Variants in OSBPL10 observed in about 807,000 individuals in gnomAD.
The protein encoded by OSBPL10 is oxysterol binding protein like 10.
A neutral mutation model predicts 81.7 loss-of-function variants in OSBPL10; 49 were observed. That is an observed-to-expected ratio of 0.60 (90% CI 0.48 to 0.76). The LOEUF (loss-of-function observed/expected upper bound fraction) is 0.76, where lower values mean the gene tolerates loss of function less well. Ranked by LOEUF, OSBPL10 falls within the 30% of genes least tolerant of loss-of-function variation. OSBPL10 has a pLI of 0.00. For missense variants in OSBPL10, 923 were observed against 987.8 expected (o/e 0.93, Z 0.88); for synonymous variants, 419 against 383.6 (o/e 1.09, Z -1.08).
At chr3:32,073,292 A>C (rs1005637190) in intron 1 of OSBPL10, among the ~76,000 whole-genome samples, 8 of 152,104 alleles carry the variant, frequency 5.3e-5, no homozygotes, top group African/African-American at 1.9e-4. Flanking sequence ...TGCCTACTCC[A>C]GATTCCCAGC....
intron 1 of OSBPL10, among the ~76,000 whole-genome samples, chr3:31,907,619 CAAAAAAAAAAAAAAAAAAA>C (rs142840420): frequency 6.3e-5 from 4 of 63,872 alleles, no homozygotes; most frequent in East Asian, 5.2e-4. Context: ...ACCTCCATCT[CAAAAAAAAAAAAAAAAAAA>C]AAAAAAAAAA....
chr3:31,890,118 C>G (rs1274610447), intron 1 of OSBPL10, among the ~76,000 whole-genome samples: 1 of 150,260 alleles, frequency 6.7e-6, no homozygotes, highest in Non-Finnish European at 1.5e-5. Flanking sequence ...TCAGAAGCAC[C>G]CTCAAGTACA....
At chr3:31,846,918 T>G (rs1700648561) in intron 3 of OSBPL10, among the ~76,000 whole-genome samples, 1 of 152,116 alleles carries the variant, frequency 6.6e-6, no homozygotes. Context: ...CAACTATGAG[T>G]GAACCCCAAG....
chr3:31,994,222 G>A lies in OSBPL10; in HGVS notation n.298+52269C>T, dbSNP rs113883072. On this transcript the variant is annotated intron_variant and non_coding_transcript_variant, in intron 2 of 3. Transcript: ENST00000479173. ...GAGTAGTGATTGCCAAGAGTTAAGA[G>A]TGGAGCAAGTGTTTGACTAGAAAGA... is the stretch of plus-strand genomic sequence containing the variant. Among the ~76,000 whole-genome samples the A allele has an allele frequency of 9.2e-3, 1,404 of 152,308 alleles. 25 individuals carry two copies. Among genetic ancestry groups the A allele is most frequent in the African/African-American group, 0.032 (1,323 of 41,566 alleles).
At chr3:31,855,367 C>G (rs956447800) in intron 3 of OSBPL10, among the ~76,000 whole-genome samples, 1 of 152,116 alleles carries the variant, frequency 6.6e-6, no homozygotes, top group African/African-American at 2.4e-5. Context: ...ACTTCCATAC[C>G]CTTCTTGGTC....
At chr3:31,807,934 T>C (rs901456264) in intron 4 of OSBPL10, among the ~76,000 whole-genome samples, 8 of 152,304 alleles carry the variant, frequency 5.3e-5, no homozygotes, top group Non-Finnish European at 1.2e-4. Context: ...TGGACAGATG[T>C]TGGGCCATGA....
intron 7 of OSBPL10, among the ~76,000 whole-genome samples, chr3:31,686,309 C>T (rs1187861751): frequency 1.3e-5 from 2 of 152,186 alleles, no homozygotes; most frequent in African/African-American, 2.4e-5. Flanking sequence ...GATAGGCAGA[C>T]ATGAGAACAG....
intron 4 of OSBPL10, among the ~76,000 whole-genome samples, chr3:31,823,707 G>A (rs561015251): frequency 6.6e-6 from 1 of 152,238 alleles, no homozygotes; most frequent in Admixed American, 6.5e-5. Flanking sequence ...TAAAAATTAT[G>A]ACACATTTTA....
chr3:31,666,580 C>T (rs1473119076), intron 10 of OSBPL10, among the ~76,000 whole-genome samples: 1 of 152,180 alleles, frequency 6.6e-6, no homozygotes, highest in African/African-American at 2.4e-5. Context: ...GCCGTTTCCT[C>T]TGCAGAGAAC....
At chr3:31,887,248 A>G (rs1461179381) in intron 1 of OSBPL10, among the ~76,000 whole-genome samples, 1 of 152,198 alleles carries the variant, frequency 6.6e-6, no homozygotes. Flanking sequence ...CCTTGTTTAT[A>G]AAACTTCCAA....
At chr3:31,949,458 G>C (rs1559528961) in intron 1 of OSBPL10, among the ~76,000 whole-genome samples, 1 of 151,832 alleles carries the variant, frequency 6.6e-6, no homozygotes, top group African/African-American at 2.4e-5. Context: ...CACGAGGTCA[G>C]GAGATCAAGA....
chr3:31,781,585 T>C (rs1050806813), intron 4 of OSBPL10, among the ~76,000 whole-genome samples: 1 of 152,210 alleles, frequency 6.6e-6, no homozygotes, highest in Non-Finnish European at 1.5e-5. Flanking sequence ...CTCCTAGATC[T>C]GATAAATGAA....
intron 1 of OSBPL10, among the ~76,000 whole-genome samples, chr3:31,904,939 G>A (rs11719924): frequency 0.19 from 29,344 of 152,060 alleles, 3,001 homozygotes; most frequent in Non-Finnish European, 0.24. Context: ...TTAAACTGGA[G>A]GCAGCTACAA....
intron 1 of OSBPL10, among the ~76,000 whole-genome samples, chr3:31,882,397 C>T (rs1237863892): frequency 2.0e-5 from 3 of 152,124 alleles, no homozygotes; most frequent in African/African-American, 4.8e-5. Context: ...ATCCCCAAGC[C>T]GGCAGTAACA....
chr3:31,965,954 T>TTATATATTATATAAAATAGATAA (rs1698387908), intron 1 of OSBPL10, among the ~76,000 whole-genome samples: 1 of 98,738 alleles, frequency 1.0e-5, no homozygotes, highest in Non-Finnish European at 1.9e-5. Context: ...ATAATATATA[T>TTATATATTATATAAAATAGATAA]TATATATTAT....
chr3:31,683,318 T>G (rs1015047906), intron 8 of OSBPL10, among the ~76,000 whole-genome samples: 1 of 152,188 alleles, frequency 6.6e-6, no homozygotes, highest in Non-Finnish European at 1.5e-5. Flanking sequence ...CCAACTCTTA[T>G]ATTCATGCAA....
chr3:31,902,315 C>A (rs1285812861), intron 1 of OSBPL10, among the ~76,000 whole-genome samples: 4 of 138,188 alleles, frequency 2.9e-5, no homozygotes, highest in African/African-American at 1.1e-4. Flanking sequence ...CAGGCTGAAG[C>A]GCAGTGGCAC....
chr3:31,916,436 G>T (rs993065660), intron 1 of OSBPL10, among the ~76,000 whole-genome samples: 1 of 152,186 alleles, frequency 6.6e-6, no homozygotes, highest in Non-Finnish European at 1.5e-5. Flanking sequence ...GAGGAGTCAA[G>T]TGTAACAACA....
intron 1 of OSBPL10, among the ~76,000 whole-genome samples, chr3:31,888,129 A>G (rs1392429504): frequency 6.6e-6 from 1 of 152,244 alleles, no homozygotes; most frequent in Non-Finnish European, 1.5e-5. Context: ...AAAGAGACAC[A>G]TAAACCAATG....
Sources: allele counts gnomAD v4.1 joint callset (sites outside exome capture counted in the v4.1 genomes callset), GRCh38; gene constraint gnomAD v4.1.1; transcripts MANE v1.5; gene names NCBI Gene and HGNC (gene_info 2026-07-23, HGNC 2026-07-21).